Variants in DTNA observed in about 807,000 individuals in gnomAD.
DTNA encodes the protein dystrophin-related protein 3.
In DTNA, 43 loss-of-function variants were observed where a neutral mutation model predicts 100.7. That is an observed-to-expected ratio of 0.43 (90% confidence interval 0.33 to 0.55). DTNA has a LOEUF of 0.55. DTNA is among the 20% of genes least tolerant of loss of function. The probability of loss-of-function intolerance (pLI) is 0.04; values close to 1 mark genes in which losing one functional copy is unlikely to be tolerated. For missense variants in DTNA, 798 were observed against 953.9 expected (o/e 0.84, Z 2.15); for synonymous variants, 349 against 347.9 (o/e 1.00, Z -0.04).
At chr18:34,608,919 G>A (rs2053658915) in intron 1 of DTNA, among the ~76,000 whole-genome samples, 1 of 152,176 alleles carries the variant, frequency 6.6e-6, no homozygotes, top group Non-Finnish European at 1.5e-5. Context: ...CCTAGAGCAC[G>A]TTGGCTTAAC....
chr18:34,608,875 C>A (rs1316916416), intron 1 of DTNA, among the ~76,000 whole-genome samples: 1 of 152,172 alleles, frequency 6.6e-6, no homozygotes. Context: ...GCCAAGATAC[C>A]TTCTCTAAGT....
intron 1 of DTNA, among the ~76,000 whole-genome samples, chr18:34,588,890 A>G (rs974924135): frequency 2.0e-5 from 3 of 152,054 alleles, no homozygotes; most frequent in African/African-American, 7.2e-5. Flanking sequence ...AACCTAACTA[A>G]GCATTAGCCT....
intron 8 of DTNA, 101 bp downstream of exon 8, chr18:34,818,431 C>T: frequency 6.5e-7 from 1 of 1,548,866 alleles, no homozygotes; most frequent in Non-Finnish European, 8.7e-7. Flanking sequence ...GGCAAACTTA[C>T]CTTCCATCCC....
chr18:34,834,813 T>C (rs2096101783), intron 11 of DTNA, among the ~76,000 whole-genome samples: 1 of 152,150 alleles, frequency 6.6e-6, no homozygotes, highest in South Asian at 2.1e-4. Context: ...TTAGGACCTA[T>C]TTCCAACATT....
chr18:34,504,948 G>T (rs1421297986), intron 1 of DTNA, among the ~76,000 whole-genome samples: 1 of 151,998 alleles, frequency 6.6e-6, no homozygotes, highest in Admixed American at 6.6e-5. Flanking sequence ...CTTTCCTTCA[G>T]GTCTCCAAGA....
At chr18:34,589,506 G>A (rs1031746255) in intron 1 of DTNA, among the ~76,000 whole-genome samples, 1 of 152,076 alleles carries the variant, frequency 6.6e-6, no homozygotes, top group African/African-American at 2.4e-5. Context: ...CTACTTGGGA[G>A]GCTGAGGCAG....
chr18:34,757,817 T>G (rs1326510022), intron 2 of DTNA, among the ~76,000 whole-genome samples: 1 of 152,222 alleles, frequency 6.6e-6, no homozygotes, highest in African/African-American at 2.4e-5. Context: ...TCTTGCAGCT[T>G]TATTAGTTCT....
intron 17 of DTNA, among the ~76,000 whole-genome samples, chr18:34,871,220 C>A (rs1434011703): frequency 6.6e-6 from 1 of 152,132 alleles, no homozygotes; most frequent in Non-Finnish European, 1.5e-5. Context: ...TTGAAGCATC[C>A]CTCATTTCTG....
intron 1 of DTNA, among the ~76,000 whole-genome samples, chr18:34,645,622 A>C (rs546444456): frequency 6.6e-6 from 1 of 152,268 alleles, no homozygotes; most frequent in South Asian, 2.1e-4. Context: ...TATACACTAC[A>C]CTCACAGGTG....
intron 1 of DTNA, among the ~76,000 whole-genome samples, chr18:34,667,859 C>A (rs1013569936): frequency 6.6e-6 from 1 of 152,180 alleles, no homozygotes; most frequent in Non-Finnish European, 1.5e-5. Flanking sequence ...CATCGATGTT[C>A]ATCAGGGATA....
At chr18:34,697,118 G>T (rs551401817) in intron 1 of DTNA, among the ~76,000 whole-genome samples, 3 of 149,816 alleles carry the variant, frequency 2.0e-5, no homozygotes, top group African/African-American at 7.7e-5. Flanking sequence ...CTTCTAAAAA[G>T]TACAAAGGCT....
intron 19 of DTNA, among the ~76,000 whole-genome samples, chr18:34,879,204 C>T (rs1358798057): frequency 6.6e-6 from 1 of 152,082 alleles, no homozygotes; most frequent in Non-Finnish European, 1.5e-5. Context: ...GGTTTTAACT[C>T]ATAGTTCTTA....
At chr18:34,556,418 G>A (rs2046054224) in intron 1 of DTNA, among the ~76,000 whole-genome samples, 1 of 150,994 alleles carries the variant, frequency 6.6e-6, no homozygotes, top group Non-Finnish European at 1.5e-5. Flanking sequence ...TCATTATGAT[G>A]TTAGCTGGTG....
intron 1 of DTNA, among the ~76,000 whole-genome samples, chr18:34,538,037 T>C (rs1252516168): frequency 6.6e-6 from 1 of 152,052 alleles, no homozygotes; most frequent in Non-Finnish European, 1.5e-5. Flanking sequence ...TCATTCACTA[T>C]ACACTTGAAC....
intron 1 of DTNA, among the ~76,000 whole-genome samples, chr18:34,501,987 A>G (rs997146069): frequency 6.6e-6 from 1 of 152,206 alleles, no homozygotes; most frequent in Non-Finnish European, 1.5e-5. Flanking sequence ...ACTTTCTTTA[A>G]AAGTCCTATC....
At chr18:34,680,013 A>G (rs1045181693) in intron 1 of DTNA, among the ~76,000 whole-genome samples, 1 of 152,188 alleles carries the variant, frequency 6.6e-6, no homozygotes, top group Non-Finnish European at 1.5e-5. Flanking sequence ...CATAAACTGA[A>G]GGAAAATTTG....
chr18:34,882,605 C>T (rs1454891771), intron 21 of DTNA, among the ~76,000 whole-genome samples: 1 of 151,956 alleles, frequency 6.6e-6, no homozygotes, highest in Admixed American at 6.6e-5. Context: ...CCTGACCTCG[C>T]GATCCACCCA....
chr18:34,571,587 CA>C (rs575278971), intron 1 of DTNA, among the ~76,000 whole-genome samples: 16 of 150,442 alleles, frequency 1.1e-4, no homozygotes, highest in Admixed American at 2.0e-4. Flanking sequence ...GACAAACAAA[CA>C]AAAAAAAAGA....
intron 1 of DTNA, among the ~76,000 whole-genome samples, chr18:34,603,021 A>G (rs1168431420): frequency 6.6e-6 from 1 of 151,540 alleles, no homozygotes; most frequent in Non-Finnish European, 1.5e-5. Context: ...AATACAAAAT[A>G]AAAAATAAAT....
Sources: allele counts gnomAD v4.1 joint callset (sites outside exome capture counted in the v4.1 genomes callset), GRCh38; gene constraint gnomAD v4.1.1; transcripts MANE v1.5; gene names NCBI Gene and HGNC (gene_info 2026-07-23, HGNC 2026-07-21).